RSU1: variants seen among roughly 807,000 people sequenced by gnomAD.
RSU1 encodes Ras suppressor protein 1.
A neutral mutation model predicts 31.1 loss-of-function variants in RSU1; 26 were observed. That is an observed-to-expected ratio of 0.84 (90% CI 0.61 to 1.16). The LOEUF (loss-of-function observed/expected upper bound fraction) is 1.16, where lower values mean the gene tolerates loss of function less well. Among genes scored for constraint, RSU1 ranks in the 50% most tolerant of loss-of-function variants. RSU1 has a pLI of 0.00. For missense variants in RSU1, 320 were observed against 339.1 expected (o/e 0.94, Z 0.44); for synonymous variants, 164 against 136.3 (o/e 1.20, Z -1.41).
chr10:16,748,084 T>C (rs1029285422), intron 7 of RSU1: 14 of 152,232 alleles, frequency 9.2e-5, no homozygotes, highest in African/African-American at 3.4e-4. Context: ...CCCTTCAATG[T>C]CTTCCCATTT....
chr10:16,763,015 C>A lies in RSU1; in HGVS notation c.281+1375G>T, dbSNP rs1348641614. 3.0e-3 allele frequency among the ~76,000 whole-genome samples: 444 copies of A among 150,228 alleles called. 4 individuals carry two copies. The highest frequency in any genetic ancestry group is 0.01 in the African/African-American group (419 of 40,500). On this transcript the variant is annotated intron_variant, in intron 4 of 8. Coordinates refer to ENST00000345264, the MANE Select transcript of RSU1 (RefSeq NM_012425.4). ...TGTCTCAAAAAAAAAAAAACAAAAA[C>A]AAAAAAACCTGGGAAATACCTGGCC...
intron 8 of RSU1, among the ~76,000 whole-genome samples, chr10:16,622,918 A>T (rs756346878): frequency 4.6e-5 from 7 of 152,234 alleles, no homozygotes; most frequent in Non-Finnish European, 7.3e-5. Context: ...AATGATCTGA[A>T]TGTCTAAGTA....
intron 7 of RSU1, among the ~76,000 whole-genome samples, chr10:16,716,189 G>C (rs956478271): frequency 6.6e-6 from 1 of 152,178 alleles, no homozygotes; most frequent in Non-Finnish European, 1.5e-5. Context: ...GGAAGAACGG[G>C]TCTAGATAGG....
At chr10:16,784,170 A>G (rs61843969) in intron 2 of RSU1, among the ~76,000 whole-genome samples, 17,635 of 130,410 alleles carry the variant, frequency 0.14, 1,457 homozygotes, top group African/African-American at 0.37. Flanking sequence ...CAGCCTCAGC[A>G]TCCCAGGCTC....
chr10:16,664,790 A>C (rs927533841), intron 8 of RSU1, among the ~76,000 whole-genome samples: 9 of 152,232 alleles, frequency 5.9e-5, no homozygotes, highest in Non-Finnish European at 1.3e-4. Context: ...GTTTAGAGAC[A>C]TAATACCGGA....
chr10:16,795,832 G>A (rs1403028254), intron 2 of RSU1, among the ~76,000 whole-genome samples: 2 of 152,022 alleles, frequency 1.3e-5, no homozygotes, highest in East Asian at 1.9e-4. Context: ...CAACCCCCCG[G>A]ACCCCTAAAC....
At chr10:16,712,647 CTTAT>C (rs1255611899) in intron 7 of RSU1, among the ~76,000 whole-genome samples, 11 of 152,084 alleles carry the variant, frequency 7.2e-5, no homozygotes, top group African/African-American at 1.2e-4. Context: ...CCTTAATCTA[CTTAT>C]TTATTATATA....
chr10:16,662,988 A>C (rs1000039935), intron 8 of RSU1, among the ~76,000 whole-genome samples: 4 of 151,872 alleles, frequency 2.6e-5, no homozygotes, highest in African/African-American at 4.8e-5. Flanking sequence ...AAAAAAAAAA[A>C]ACCCTCTAAG....
intron 8 of RSU1, among the ~76,000 whole-genome samples, chr10:16,671,117 G>T (rs570950931): frequency 5.9e-5 from 9 of 152,146 alleles, no homozygotes; most frequent in Non-Finnish European, 1.2e-4. Context: ...CCTTGTGGTA[G>T]AACAATTTAC....
intron 2 of RSU1, among the ~76,000 whole-genome samples, chr10:16,785,203 G>A (rs897114742): frequency 6.6e-6 from 1 of 151,954 alleles, no homozygotes. Flanking sequence ...GTAGAAAAAG[G>A]CTAAACTGGC....
chr10:16,634,856 T>C (rs60373054), intron 8 of RSU1, among the ~76,000 whole-genome samples: 5,721 of 152,320 alleles, frequency 0.038, 366 homozygotes, highest in African/African-American at 0.13. Flanking sequence ...TGACTTTCTA[T>C]AGTGATAGAA....
chr10:16,726,637 A>G (rs61587204), intron 7 of RSU1, among the ~76,000 whole-genome samples: 18,157 of 152,138 alleles, frequency 0.12, 2,640 homozygotes, highest in African/African-American at 0.35. Context: ...TTTGACTGAA[A>G]TGTTTTTAGC....
chr10:16,704,133 A>C (rs779048432), intron 7 of RSU1, among the ~76,000 whole-genome samples: 2 of 152,206 alleles, frequency 1.3e-5, no homozygotes, highest in South Asian at 2.1e-4. Context: ...TAAAAGAAAA[A>C]ATTAAATCTA....
intron 8 of RSU1, among the ~76,000 whole-genome samples, chr10:16,672,251 A>G (rs1835121832): frequency 6.6e-6 from 1 of 151,940 alleles, no homozygotes; most frequent in Non-Finnish European, 1.5e-5. Flanking sequence ...CAGAGCTTGC[A>G]GTGAGCTGAG....
At chr10:16,682,570 ACATG>A (rs1414590728) in intron 8 of RSU1, among the ~76,000 whole-genome samples, 162 of 148,228 alleles carry the variant, frequency 1.1e-3, no homozygotes, top group South Asian at 5.8e-3. Context: ...ACACACACAC[ACATG>A]CATGCATGTT....
chr10:16,717,735 G>A (rs1564330245), intron 7 of RSU1, among the ~76,000 whole-genome samples: 1 of 152,058 alleles, frequency 6.6e-6, no homozygotes. Context: ...TTTAACAGTA[G>A]GACTCAAGAA....
intron 8 of RSU1, among the ~76,000 whole-genome samples, chr10:16,594,660 A>T (rs1833578886): frequency 1.4e-5 from 2 of 141,184 alleles, no homozygotes; most frequent in African/African-American, 5.8e-5. Flanking sequence ...TATATATCAT[A>T]TATTATCTAT....
intron 8 of RSU1, among the ~76,000 whole-genome samples, chr10:16,652,748 T>A (rs1465080089): frequency 6.6e-6 from 1 of 152,172 alleles, no homozygotes; most frequent in Non-Finnish European, 1.5e-5. Flanking sequence ...AGTGGTGTGA[T>A]CACGGCTCAC....
chr10:16,748,429 C>T (rs1326593429), intron 7 of RSU1: 1 of 151,656 alleles, frequency 6.6e-6, no homozygotes, highest in African/African-American at 2.4e-5. Context: ...CTTGTGATTA[C>T]ACCGGGCTCA....
Sources: gnomAD v4.1 joint callset for allele counts (sites outside exome capture counted in the v4.1 genomes callset) on GRCh38, gnomAD v4.1.1 for gene constraint, MANE v1.5 for transcripts, NCBI Gene and HGNC (gene_info 2026-07-23, HGNC 2026-07-21) for gene names.